CPAMD8: variants seen among roughly 807,000 people sequenced by gnomAD.
The protein encoded by CPAMD8 is C3 and PZP-like alpha-2-macroglobulin domain-containing protein 8.
In CPAMD8, 146 loss-of-function variants were observed where a neutral mutation model predicts 224.7. That is an observed-to-expected ratio of 0.65 (90% CI 0.57 to 0.75). The LOEUF is 0.75. Among genes scored for constraint, CPAMD8 ranks in the 30% least tolerant of loss-of-function variants. CPAMD8 has a pLI of 0.00. For synonymous variants in CPAMD8, 966 were observed against 1,044.6 expected (o/e 0.92, Z 1.45); for missense variants, 2,301 against 2,537.5 (o/e 0.91, Z 2.00).
At chr19:16,902,242 C>T (rs749937922) in intron 35 of CPAMD8, among the ~76,000 whole-genome samples, 6 of 152,168 alleles carry the variant, frequency 3.9e-5, no homozygotes, top group South Asian at 4.2e-4. Context: ...ACTGGCTGGG[C>T]GAGGTGGCTC....
chr19:17,008,648 C>T, intron 6 of CPAMD8, 89 bp from the exon 7 acceptor site: 1 of 1,396,718 alleles, frequency 7.2e-7, no homozygotes, highest in Non-Finnish European at 1.0e-6. Context: ...AGTCCTCTCT[C>T]TTGGGCATGT....
intron 23 of CPAMD8, among the ~76,000 whole-genome samples, chr19:16,937,650 CTTTT>C (rs550702792): frequency 0.044 from 5,090 of 116,776 alleles, 245 homozygotes; most frequent in African/African-American, 0.14. Context: ...TAACTTCATA[CTTTT>C]TTTTTTTTTT....
chr19:16,901,357 G>T, intron 35 of CPAMD8, 60 bp from the exon 36 acceptor site: 2 of 1,162,986 alleles, frequency 1.7e-6, no homozygotes, highest in Non-Finnish European at 2.5e-6. Context: ...TGGAATTCAA[G>T]GTCCCCTCTC....
chr19:16,905,221 C>T (rs2052422401), intron 30 of CPAMD8, among the ~76,000 whole-genome samples: 1 of 151,886 alleles, frequency 6.6e-6, no homozygotes, highest in African/African-American at 2.4e-5. Flanking sequence ...ACACTCCAGC[C>T]TGGGTGACAG....
intron 7 of CPAMD8, 23 bp downstream of exon 7, chr19:17,008,482 A>G: frequency 6.2e-7 from 1 of 1,612,110 alleles, no homozygotes; most frequent in Non-Finnish European, 8.5e-7. Context: ...TGCAGCCCCC[A>G]AGCCGCAGAG....
intron 22 of CPAMD8, among the ~76,000 whole-genome samples, chr19:16,939,935 T>C (rs1162567405): frequency 6.6e-6 from 1 of 151,748 alleles, no homozygotes; most frequent in Non-Finnish European, 1.5e-5. Context: ...TTTTTTTAGA[T>C]GGAGTCTCAC....
At chr19:16,987,283 T>A (rs1044107997) in intron 13 of CPAMD8, among the ~76,000 whole-genome samples, 32 of 146,418 alleles carry the variant, frequency 2.2e-4, no homozygotes, top group South Asian at 2.2e-4. Flanking sequence ...ATATATACAG[T>A]TGACCCTTGA....
chr19:16,926,804 T>C (rs2053379589), intron 25 of CPAMD8, among the ~76,000 whole-genome samples: 1 of 152,162 alleles, frequency 6.6e-6, no homozygotes, highest in Non-Finnish European at 1.5e-5. Context: ...CCTGCCTCTC[T>C]GCTTCTTCTC....
In CPAMD8 at chr19:17,022,137, TC is replaced by T; in HGVS notation, c.136del (p.Glu46ArgfsTer6). On this transcript the variant is annotated frameshift_variant, in exon 2 of 42. Coordinates refer to ENST00000443236, the MANE Select transcript of CPAMD8 (RefSeq NM_015692.5). LOFTEE classifies it high-confidence loss of function. ...AAAGATGGTCACGCTGATGACTTCC[TC>T]CACGCCCGCGCGAAAAACAGAGGGA... is the stretch of plus-strand genomic sequence containing the variant. ...AAPSVFRAGV[E>X]EVISVTIFNS... is the part of the protein sequence containing the mutation. 1 of 1,609,446 alleles carries T rather than the reference TC, an allele frequency of 6.2e-7. No individual in the cohort carries two copies. Among genetic ancestry groups the T allele is most frequent in the South Asian group, 1.1e-5 (1 of 90,062 alleles).
At chr19:16,989,117 A>G (rs757729035) in intron 13 of CPAMD8, among the ~76,000 whole-genome samples, 1 of 152,202 alleles carries the variant, frequency 6.6e-6, no homozygotes, top group African/African-American at 2.4e-5. Flanking sequence ...TCATTGTTTC[A>G]TTATATATTG....
At position 16,993,404 on chromosome 19, in the gene CPAMD8, G is replaced by A. The variant is rs1343363893; in HGVS notation, c.1266+12C>T. On this transcript the variant is annotated intron_variant, in intron 12 of 41. Coordinates refer to ENST00000443236, the MANE Select transcript of CPAMD8 (RefSeq NM_015692.5). ...GCTGGCTGAATAACAAGGGTCCACG[G>A]GACTCACCCACCTCCAGCCACACGT... is the stretch of plus-strand genomic sequence containing the variant. 1 of 1,609,274 alleles carries A rather than the reference G, an allele frequency of 6.2e-7. No individual in the cohort carries two copies. The highest frequency in any genetic ancestry group is 8.5e-7 in the Non-Finnish European group (1 of 1,178,074).
At chr19:16,919,111 G>A (rs1361036433) in intron 27 of CPAMD8, among the ~76,000 whole-genome samples, 1 of 151,980 alleles carries the variant, frequency 6.6e-6, no homozygotes, top group Non-Finnish European at 1.5e-5. Flanking sequence ...GCTGAGGCAG[G>A]AGAATTGCTT....
chr19:17,025,190 C>T (rs986397503), intron 1 of CPAMD8, among the ~76,000 whole-genome samples: 1 of 152,104 alleles, frequency 6.6e-6, no homozygotes, highest in Non-Finnish European at 1.5e-5. Context: ...GTGGGTGGAT[C>T]ACCTGAGGTC....
At chr19:16,950,662 G>T (rs773948558) in intron 20 of CPAMD8, among the ~76,000 whole-genome samples, 1 of 151,920 alleles carries the variant, frequency 6.6e-6, no homozygotes, top group Non-Finnish European at 1.5e-5. Flanking sequence ...GCATGGTGGT[G>T]CACACCTGTA....
chr19:16,978,449 C>T (rs1405004027), intron 14 of CPAMD8, among the ~76,000 whole-genome samples: 2 of 152,068 alleles, frequency 1.3e-5, no homozygotes, highest in African/African-American at 4.8e-5. Flanking sequence ...ACATAAAGTC[C>T]CTGTTATTTC....
rs543272929 is a variant in CPAMD8, at chr19:16,972,723, C to T, written c.2071-1690G>A. Among the ~76,000 whole-genome samples the T allele has an allele frequency of 3.9e-5, 6 of 152,210 alleles. No individual in the cohort carries two copies. The East Asian group carries it at 5.8e-4, about 15-fold the overall frequency. On this transcript the variant is annotated intron_variant, in intron 17 of 41. Coordinates refer to ENST00000443236, the MANE Select transcript of CPAMD8 (RefSeq NM_015692.5). ...TGCTGGGATTACAGGCGTGAGCCAC[C>T]GCGCCCAGCCTTTGAATAAGAAATT...
At chr19:16,968,720 C>A (rs1267001044) in intron 18 of CPAMD8, among the ~76,000 whole-genome samples, 1 of 152,112 alleles carries the variant, frequency 6.6e-6, no homozygotes, top group Non-Finnish European at 1.5e-5. Flanking sequence ...CTCACTGCAG[C>A]CTCAACCTTC....
intron 35 of CPAMD8, among the ~76,000 whole-genome samples, chr19:16,902,361 A>G (rs1005521739): frequency 3.9e-5 from 6 of 152,174 alleles, no homozygotes; most frequent in African/African-American, 1.4e-4. Context: ...CTAAAAAGAC[A>G]AAAAAGTTAG....
intron 23 of CPAMD8, among the ~76,000 whole-genome samples, chr19:16,937,284 A>C (rs1454689435): frequency 1.3e-5 from 2 of 151,934 alleles, no homozygotes. Flanking sequence ...ACAGGCGTGC[A>C]CCACCACGTC....
Sources: gnomAD v4.1 joint callset for allele counts (sites outside exome capture counted in the v4.1 genomes callset) on GRCh38, gnomAD v4.1.1 for gene constraint, MANE v1.5 for transcripts, NCBI Gene and HGNC (gene_info 2026-07-23, HGNC 2026-07-21) for gene names.